Variants in YAF2 observed in about 807,000 individuals in gnomAD.
The protein encoded by YAF2 is YY1-associated factor 2.
A neutral mutation model predicts 20.1 loss-of-function variants in YAF2; 7 were observed. That is an observed-to-expected ratio of 0.35 (90% CI 0.20 to 0.65). The LOEUF (loss-of-function observed/expected upper bound fraction) is 0.65, where lower values mean the gene tolerates loss of function less well. Among genes scored for constraint, YAF2 ranks in the 30% least tolerant of loss-of-function variants. The pLI is 0.69. For synonymous variants in YAF2, 74 were observed against 76.0 expected, an observed-to-expected ratio of 0.97 and a Z score of 0.14; for missense variants, 151 against 219.2, an observed-to-expected ratio of 0.69 and a Z score of 1.96.
chr12:42,227,911 G>A lies in YAF2; in HGVS notation c.152+9688C>T, dbSNP rs372356763. ...AGGTGAGGGGCGCCTCTGCCCGGCC[G>A]CCCCTACTGGGAAGTGAGGAGCCCC... is the stretch of plus-strand genomic sequence containing the variant. On this transcript the variant is annotated intron_variant, in intron 2 of 3. Transcript: ENST00000534854. Among the ~76,000 whole-genome samples the A allele has an allele frequency of 6.1e-3, 783 of 129,246 alleles. 22 individuals are homozygous for A. The East Asian group carries it at 0.089, about 15-fold the overall frequency. The allele number at this position is 129,246 out of a possible 152,430, so 84.8% of individuals were successfully genotyped here.
chr12:42,219,754 C>A (rs1396324562), intron 2 of YAF2, among the ~76,000 whole-genome samples: 2 of 152,194 alleles, frequency 1.3e-5, no homozygotes, highest in African/African-American at 4.8e-5. Context: ...GTTTCTCAAA[C>A]TTTAATGTGC....
In YAF2 at chr12:42,160,617, G is replaced by A. The variant is rs372149820; in HGVS notation, c.515C>T (p.Ala172Val). Residue 172 changes from alanine to valine, a missense_variant, in exon 4 of 4, where the codon GCC becomes GTC. Coordinates refer to ENST00000534854, the MANE Select transcript of YAF2 (RefSeq NM_005748.6). ...ATGAGATTCTCCATTCAATGATGAGGCTTCTCCTCTGGGTGAAGATGACCT... is the reference window on the plus strand; with the variant it reads ...ATGAGATTCTCCATTCAATGATGAGACTTCTCCTCTGGGTGAAGATGACCT... ...MSRSSSPRGEASSLNGESH is the reference protein window; with the variant it reads ...MSRSSSPRGEVSSLNGESH The A allele has an allele frequency of 3.1e-6, 5 of 1,613,430 alleles. No individual in the cohort carries two copies. In the African/African-American group the frequency reaches 6.7e-5, roughly 22 times the overall value.
At chr12:42,226,430 G>C (rs1270393058) in intron 2 of YAF2, among the ~76,000 whole-genome samples, 2 of 152,140 alleles carry the variant, frequency 1.3e-5, no homozygotes, top group Non-Finnish European at 2.9e-5. Flanking sequence ...TGGAGGCCAA[G>C]GTGAGAGGAT....
At chr12:42,187,315 C>G (rs1267174666) in intron 2 of YAF2, among the ~76,000 whole-genome samples, 2 of 151,952 alleles carry the variant, frequency 1.3e-5, no homozygotes, top group Non-Finnish European at 2.9e-5. Flanking sequence ...CACTACCATG[C>G]CCAGCCAATT....
rs553207651 is a variant in YAF2 at position 42,191,892 on chromosome 12, C to G, written c.153-30127G>C. On this transcript the variant is annotated intron_variant, in intron 2 of 3. Transcript: ENST00000534854. ...CATTTGAGGTCAGGAGTGTTCAAGA[C>G]CAGCCTGGTCAACATGGTGAAACCC... 2.6e-5 allele frequency among the ~76,000 whole-genome samples: 4 copies of G among 151,538 alleles called. No homozygotes were observed. In the East Asian group the frequency reaches 5.9e-4, roughly 22 times the overall value.
chr12:42,163,257 A>C (rs1391908243), intron 2 of YAF2, among the ~76,000 whole-genome samples: 1 of 151,886 alleles, frequency 6.6e-6, no homozygotes, highest in African/African-American at 2.4e-5. Flanking sequence ...TGGCAGAGTG[A>C]AAAAAAACCA....
chr12:42,172,271 C>T (rs2066069062), intron 2 of YAF2: 2 of 152,112 alleles, frequency 1.3e-5, no homozygotes, highest in Non-Finnish European at 2.9e-5. Flanking sequence ...AGTTAGTAAC[C>T]ACTTACATTT....
chr12:42,236,046 C>G (rs1193415033), intron 2 of YAF2: 1 of 1,530,194 alleles, frequency 6.5e-7, no homozygotes, highest in South Asian at 1.2e-5. Context: ...TTTCTAATGG[C>G]TACAAGAAAA....
chr12:42,233,545 T>A, intron 2 of YAF2: 1 of 906,164 alleles, frequency 1.1e-6, no homozygotes, highest in Non-Finnish European at 1.3e-6. Context: ...AAGGTCTCAC[T>A]CTGTTGCCCA....
chr12:42,227,092 G>A (rs1183002051), intron 2 of YAF2, among the ~76,000 whole-genome samples: 1 of 144,134 alleles, frequency 6.9e-6, no homozygotes, highest in Non-Finnish European at 1.5e-5. Context: ...GGAGGATGGA[G>A]TTCAGCGGGC....
At position 42,176,779 on chromosome 12, in the gene YAF2, T is replaced by C. The variant is rs150563414; in HGVS notation, c.153-15014A>G. Among the ~76,000 whole-genome samples, 506 of 152,092 alleles carry C rather than the reference T, an allele frequency of 3.3e-3. 3 individuals are homozygous for C. Among genetic ancestry groups the C allele is most frequent in the African/African-American group, 0.012 (486 of 41,474 alleles). On this transcript the variant is annotated intron_variant, in intron 2 of 3. Transcript: ENST00000534854. The stretch of plus-strand genomic sequence containing the variant: ...AAGTTCAAGACCAGCCTGGCCAATA[T>C]GGCGAAACCCCGTCACCACTAAAAA...
intron 2 of YAF2, among the ~76,000 whole-genome samples, chr12:42,202,788 G>A (rs2066935095): frequency 6.6e-6 from 1 of 152,016 alleles, no homozygotes; most frequent in African/African-American, 2.4e-5. Context: ...ACAGGCACAT[G>A]CCACCATGCC....
At chr12:42,203,517 T>C (rs2066955159) in intron 2 of YAF2, among the ~76,000 whole-genome samples, 1 of 152,188 alleles carries the variant, frequency 6.6e-6, no homozygotes, top group African/African-American at 2.4e-5. Flanking sequence ...CATGATGCTT[T>C]CTATTTGAAA....
intron 2 of YAF2, among the ~76,000 whole-genome samples, chr12:42,202,569 T>A (rs569326031): frequency 6.6e-6 from 1 of 152,204 alleles, no homozygotes; most frequent in South Asian, 2.1e-4. Flanking sequence ...TGGGAGAGAG[T>A]CATCCCATGT....
rs1054649902 is a variant in YAF2, at chr12:42,158,050, C to T, written c.*2539G>A. On this transcript the variant is annotated 3_prime_UTR_variant, in exon 4 of 4. Coordinates refer to ENST00000534854, the MANE Select transcript of YAF2 (RefSeq NM_005748.6). The stretch of plus-strand genomic sequence containing the variant: ...TGTAAGTTCATGAAACAGAGAAAAA[C>T]ATGTACCCTAAACCTAGGTTCTGAA... 6 of 152,150 alleles carry T rather than the reference C, an allele frequency of 3.9e-5. No individual in the cohort carries two copies. The highest frequency in any genetic ancestry group is 8.8e-5 in the Non-Finnish European group (6 of 68,022). 9.4% of individuals were successfully genotyped at this position (152,150 alleles called of 1,614,324 possible). A position where few individuals can be genotyped will look rare whatever the true frequency, so the allele number is the denominator to read the frequency against.
intron 2 of YAF2, chr12:42,237,328 G>T: frequency 1.0e-6 from 1 of 970,614 alleles, no homozygotes; most frequent in Non-Finnish European, 1.3e-6. Context: ...TACACCCAGC[G>T]ATACGAATTA....
At chr12:42,165,353 T>A (rs1164484787) in intron 2 of YAF2, among the ~76,000 whole-genome samples, 1 of 152,224 alleles carries the variant, frequency 6.6e-6, no homozygotes, top group East Asian at 1.9e-4. Context: ...TGAAACGACT[T>A]CATTAAGCAT....
intron 1 of YAF2, 71 bp from the exon 2 acceptor site, chr12:42,237,795 C>T: frequency 3.5e-6 from 4 of 1,138,096 alleles, no homozygotes; most frequent in Non-Finnish European, 3.2e-6. Context: ...CCGGGCCCCG[C>T]GGCCGCCCCC....
intron 1 of YAF2, 59 bp downstream of exon 1, chr12:42,238,096 C>T (rs969650876): frequency 3.3e-5 from 46 of 1,394,152 alleles, no homozygotes; most frequent in Non-Finnish European, 4.1e-5. Context: ...CCACCCGAAG[C>T]CCTGCACGAG....
Sources: allele counts gnomAD v4.1 joint callset (sites outside exome capture counted in the v4.1 genomes callset), GRCh38; gene constraint gnomAD v4.1.1; transcripts MANE v1.5; gene names NCBI Gene and HGNC (gene_info 2026-07-23, HGNC 2026-07-21).